The following MPHOSPH6 variants were observed in gnomAD, a reference collection of about 807,000 sequenced individuals.
The protein encoded by MPHOSPH6 is M-phase phosphoprotein 6.
A neutral mutation model predicts 21.8 loss-of-function variants in MPHOSPH6; 25 were observed. The observed-to-expected ratio is 1.15, with a 90% CI of 0.83 to 1.60. The LOEUF (loss-of-function observed/expected upper bound fraction) is 1.60. MPHOSPH6 is among the 40% of genes most tolerant of loss of function. The pLI is 0.00. For missense variants in MPHOSPH6, 269 were observed against 181.8 expected (o/e 1.48, Z -2.76); for synonymous variants, 84 against 56.5 (o/e 1.49, Z -2.18).
At chr16:82,166,126 G>A (rs1257295486) in intron 1 of MPHOSPH6, among the ~76,000 whole-genome samples, 1 of 152,196 alleles carries the variant, frequency 6.6e-6, no homozygotes, top group Non-Finnish European at 1.5e-5. Context: ...TCATATCCTA[G>A]TGTTGTAAAA....
rs776036610 is a variant in MPHOSPH6 at position 82,148,863 on chromosome 16, T to C, written c.351A>G (p.Arg117=). 6.8e-6 allele frequency: 11 copies of C among 1,614,162 alleles called. No individual in the cohort carries two copies. The highest frequency in any genetic ancestry group is 1.3e-5 in the African/African-American group (1 of 75,032). Residue 117 remains arginine, a splice_region_variant and synonymous_variant, in exon 5 of 5, where the codon AGA becomes AGG. Transcript: ENST00000258169. The stretch of plus-strand genomic sequence containing the variant: ...CAATTGTCCCCACCAAGGTCTCATA[T>C]CTGTCAAGAGGACAGGCAGCACACG... The part of the protein sequence containing the change: ...LDVSDEEMAR[R]YETLVGTIGK...
intron 2 of MPHOSPH6, among the ~76,000 whole-genome samples, chr16:82,155,527 A>G (rs74249005): frequency 0.12 from 17,904 of 152,228 alleles, 1,297 homozygotes; most frequent in East Asian, 0.29. Context: ...CACACAACAA[A>G]TAAGTTTGAA....
chr16:82,164,299 G>A (rs755038472), intron 1 of MPHOSPH6, 105 bp from the exon 2 acceptor site: 2 of 730,874 alleles, frequency 2.7e-6, no homozygotes, highest in Non-Finnish European at 4.5e-6. Context: ...TTTATCTATG[G>A]AACCCATCTC....
chr16:82,157,141 C>T (rs529785526), intron 2 of MPHOSPH6, among the ~76,000 whole-genome samples: 4 of 152,080 alleles, frequency 2.6e-5, no homozygotes, highest in Non-Finnish European at 4.4e-5. Flanking sequence ...CAGGAAAATG[C>T]TAATTAAAAA....
intron 2 of MPHOSPH6, among the ~76,000 whole-genome samples, chr16:82,156,210 T>C (rs1383380529): frequency 6.6e-6 from 1 of 152,134 alleles, no homozygotes; most frequent in Non-Finnish European, 1.5e-5. Context: ...GGCAAAGAAC[T>C]TGTATTCAGA....
chr16:82,167,053 A>C (rs1906804889), intron 1 of MPHOSPH6, among the ~76,000 whole-genome samples: 1 of 152,176 alleles, frequency 6.6e-6, no homozygotes, highest in Non-Finnish European at 1.5e-5. Context: ...TTACTGGTAC[A>C]CAACCATGGT....
chr16:82,162,949 A>T lies in MPHOSPH6; in HGVS notation c.164+1133T>A, dbSNP rs541658287. 6.6e-5 allele frequency among the ~76,000 whole-genome samples: 9 copies of T among 136,058 alleles called. No individual in the cohort carries two copies. In the South Asian group the frequency reaches 2.2e-3, roughly 33 times the overall value. The allele number at this position is 136,058 out of a possible 152,430, so 89.3% of individuals were successfully genotyped here. On this transcript the variant is annotated intron_variant, in intron 2 of 4. Coordinates refer to ENST00000258169, the MANE Select transcript of MPHOSPH6 (RefSeq NM_005792.2). ...TTTGGCAAGTTTACTTAAGGCATAA[A>T]AGTAAATTATAGCTCCAGCAGCAAA...
At chr16:82,161,243 C>A (rs1365771314) in intron 2 of MPHOSPH6, among the ~76,000 whole-genome samples, 1 of 152,126 alleles carries the variant, frequency 6.6e-6, no homozygotes, top group African/African-American at 2.4e-5. Context: ...AACTAATGAA[C>A]TTCAAATGGG....
At chr16:82,164,261 A>T in intron 1 of MPHOSPH6, 67 bp from the exon 2 acceptor site, 1 of 1,030,976 alleles carries the variant, frequency 9.7e-7, no homozygotes, top group Non-Finnish European at 1.4e-6. Context: ...ACCCCAAATA[A>T]TTTTCTTCTT....
intron 2 of MPHOSPH6, among the ~76,000 whole-genome samples, chr16:82,155,388 T>C (rs563034187): frequency 6.6e-6 from 1 of 152,284 alleles, no homozygotes; most frequent in Non-Finnish European, 1.5e-5. Context: ...GCAGATGACA[T>C]AATTATGCAT....
At chr16:82,164,668 G>A (rs1193138799) in intron 1 of MPHOSPH6, 1 of 153,628 alleles carries the variant, frequency 6.5e-6, no homozygotes, top group East Asian at 1.9e-4. Context: ...TGAACTTTCT[G>A]AGCATCTATC....
chr16:82,148,708 G>T lies in MPHOSPH6; in HGVS notation c.*23C>A. 6.2e-7 allele frequency: 1 copy of T among 1,612,826 alleles called. No individual in the cohort carries two copies. Among genetic ancestry groups the T allele is most frequent in the Non-Finnish European group, 8.5e-7 (1 of 1,179,522 alleles). ...TGCTGACTTCCACCAAGCACCCCTG[G>T]GCCATCGCTTAAGGCATCCATCTTA... On this transcript the variant is annotated 3_prime_UTR_variant, in exon 5 of 5. Transcript: ENST00000258169.
At chr16:82,154,823 G>C (rs1484384407) in intron 2 of MPHOSPH6, among the ~76,000 whole-genome samples, 1 of 152,100 alleles carries the variant, frequency 6.6e-6, no homozygotes, top group East Asian at 1.9e-4. Flanking sequence ...ATTTAAGGAA[G>C]AAATAATTTC....
At chr16:82,164,330 G>C (rs940254146) in intron 1 of MPHOSPH6, 136 bp from the exon 2 acceptor site, 8 of 633,788 alleles carry the variant, frequency 1.3e-5, no homozygotes, top group Non-Finnish European at 1.9e-5. Flanking sequence ...GTTGGGGCAA[G>C]TGATCAAACG....
intron 3 of MPHOSPH6, among the ~76,000 whole-genome samples, chr16:82,150,880 C>T (rs910496356): frequency 1.3e-5 from 2 of 152,150 alleles, no homozygotes; most frequent in Admixed American, 6.5e-5. Context: ...AGCCAGAGTT[C>T]TAATGAATAT....
chr16:82,160,982 CAG>C (rs1906589561), intron 2 of MPHOSPH6, among the ~76,000 whole-genome samples: 1 of 139,880 alleles, frequency 7.1e-6, no homozygotes, highest in South Asian at 2.3e-4. Context: ...GAAGAAGGGA[CAG>C]AGAGAGGAAT....
intron 2 of MPHOSPH6, among the ~76,000 whole-genome samples, chr16:82,159,304 A>C (rs1906531304): frequency 6.6e-6 from 1 of 152,230 alleles, no homozygotes; most frequent in Non-Finnish European, 1.5e-5. Flanking sequence ...GTCATTAAAA[A>C]TGTGTTAGGT....
At chr16:82,155,214 G>A (rs1378091111) in intron 2 of MPHOSPH6, among the ~76,000 whole-genome samples, 2 of 152,212 alleles carry the variant, frequency 1.3e-5, no homozygotes, top group African/African-American at 2.4e-5. Context: ...GGGCATTGAC[G>A]AAAACAGCAC....
chr16:82,164,255 CAAA>C, intron 1 of MPHOSPH6, 61 bp from the exon 2 acceptor site: 1 of 1,089,852 alleles, frequency 9.2e-7, no homozygotes, highest in Non-Finnish European at 1.3e-6. Flanking sequence ...GAGGAAACCC[CAAA>C]TAATTTTCTT....
Sources: allele counts gnomAD v4.1 joint callset (sites outside exome capture counted in the v4.1 genomes callset), GRCh38; gene constraint gnomAD v4.1.1; transcripts MANE v1.5; gene names NCBI Gene and HGNC (gene_info 2026-07-23, HGNC 2026-07-21).